The following STXBP5L variants were observed in gnomAD, a reference collection of about 807,000 sequenced individuals.
The protein encoded by STXBP5L is syntaxin-binding protein 5-like.
A neutral mutation model predicts 144.5 loss-of-function variants in STXBP5L; 65 were observed. That is an observed-to-expected ratio of 0.45 (90% confidence interval 0.37 to 0.55). STXBP5L has a LOEUF of 0.55. STXBP5L is among the 20% of genes least tolerant of loss of function. The pLI is 0.00. For synonymous variants in STXBP5L, 505 were observed against 469.6 expected (o/e 1.08, Z -0.97); for missense variants, 1,298 against 1,405.5 (o/e 0.92, Z 1.22).
chr3:121,319,642 C>A (rs112755700), intron 20 of STXBP5L, among the ~76,000 whole-genome samples: 30 of 152,136 alleles, frequency 2.0e-4, no homozygotes, highest in Non-Finnish European at 3.8e-4. Context: ...TGGTATCATA[C>A]AAATATTCTA....
At chr3:121,389,905 C>T (rs766433605) in intron 22 of STXBP5L, among the ~76,000 whole-genome samples, 1 of 152,108 alleles carries the variant, frequency 6.6e-6, no homozygotes, top group Non-Finnish European at 1.5e-5. Context: ...ATTACGTCTG[C>T]TTGTTGCAGA....
intron 14 of STXBP5L, among the ~76,000 whole-genome samples, chr3:121,247,426 CGA>C (rs2049890334): frequency 2.0e-5 from 3 of 152,230 alleles, no homozygotes; most frequent in African/African-American, 7.2e-5. Context: ...ACACAGGTAG[CGA>C]GCATAATACC....
chr3:121,125,847 A>T (rs1170041291), intron 7 of STXBP5L, among the ~76,000 whole-genome samples: 2 of 152,296 alleles, frequency 1.3e-5, no homozygotes, highest in East Asian at 3.9e-4. Flanking sequence ...TTCTGAAGAG[A>T]GGGGGTGTTA....
Position 121,246,544 on chromosome 3 carries a change from G to T in STXBP5L, c.1401-4179G>T, listed in dbSNP as rs1018133959. On this transcript the variant is annotated intron_variant, in intron 14 of 26. Transcript: ENST00000471454. The stretch of plus-strand genomic sequence containing the variant: ...ATAAAATAGAATTAAATTTTGTAAG[G>T]GTATATAGAGTCTCAGATCAACATC... Among the ~76,000 whole-genome samples, 19 of 151,926 alleles carry T rather than the reference G, an allele frequency of 1.3e-4. No homozygotes were observed. The South Asian group carries it at 3.8e-3, about 30-fold the overall frequency.
At chr3:120,990,312 A>G (rs1195067043) in intron 3 of STXBP5L, among the ~76,000 whole-genome samples, 3 of 152,238 alleles carry the variant, frequency 2.0e-5, no homozygotes, top group Non-Finnish European at 4.4e-5. Flanking sequence ...AAAAGAGGGT[A>G]CAAACAAATG....
chr3:121,351,232 C>G (rs1434334079), intron 20 of STXBP5L, among the ~76,000 whole-genome samples: 1 of 152,086 alleles, frequency 6.6e-6, no homozygotes, highest in Admixed American at 6.5e-5. Context: ...CACTCCAGAC[C>G]CTGTTTGCCT....
At chr3:121,296,264 T>G (rs2051644998) in intron 19 of STXBP5L, among the ~76,000 whole-genome samples, 1 of 152,208 alleles carries the variant, frequency 6.6e-6, no homozygotes, top group Non-Finnish European at 1.5e-5. Flanking sequence ...AGCAAAAGCA[T>G]GATGTTTGAC....
chr3:121,268,133 C>T (rs1010158559), intron 18 of STXBP5L, among the ~76,000 whole-genome samples: 8 of 152,232 alleles, frequency 5.3e-5, no homozygotes, highest in African/African-American at 2.4e-5. Flanking sequence ...GCACTGTCCA[C>T]GATAGCAAAG....
chr3:121,245,113 T>C (rs988957074), intron 14 of STXBP5L, among the ~76,000 whole-genome samples: 1 of 152,126 alleles, frequency 6.6e-6, no homozygotes, highest in African/African-American at 2.4e-5. Context: ...TAAAAATTAC[T>C]ATAATACTAT....
intron 22 of STXBP5L, among the ~76,000 whole-genome samples, chr3:121,391,561 A>T (rs1253160349): frequency 6.6e-6 from 1 of 151,990 alleles, no homozygotes; most frequent in Non-Finnish European, 1.5e-5. Flanking sequence ...TGACCTAGAG[A>T]TGGAGTTTTG....
chr3:121,184,786 A>C (rs1009954401), intron 9 of STXBP5L, among the ~76,000 whole-genome samples: 2 of 152,204 alleles, frequency 1.3e-5, no homozygotes, highest in Non-Finnish European at 2.9e-5. Context: ...GGTTGAAATG[A>C]AAGAAAAAAT....
At chr3:121,084,407 T>C (rs919120555) in intron 5 of STXBP5L, among the ~76,000 whole-genome samples, 2 of 152,100 alleles carry the variant, frequency 1.3e-5, no homozygotes, top group African/African-American at 4.8e-5. Flanking sequence ...CCCTCCTTCT[T>C]CCACGTGTTT....
intron 14 of STXBP5L, among the ~76,000 whole-genome samples, chr3:121,248,683 A>G (rs1559903551): frequency 6.6e-6 from 1 of 152,152 alleles, no homozygotes; most frequent in Non-Finnish European, 1.5e-5. Flanking sequence ...GTTTTGTCAC[A>G]ATCATTTTTG....
intron 6 of STXBP5L, among the ~76,000 whole-genome samples, chr3:121,118,114 T>A (rs1225222932): frequency 6.6e-6 from 1 of 151,744 alleles, no homozygotes; most frequent in Non-Finnish European, 1.5e-5. Context: ...CTCTATTATA[T>A]GATAGATACT....
At chr3:121,390,611 T>G (rs1419775495) in intron 22 of STXBP5L, among the ~76,000 whole-genome samples, 3 of 152,244 alleles carry the variant, frequency 2.0e-5, no homozygotes, top group African/African-American at 7.2e-5. Flanking sequence ...AGTATTTGCT[T>G]ATCTGTAAAG....
In STXBP5L at chr3:121,082,374, T is replaced by G. The variant is rs190018803; in HGVS notation, c.471-32551T>G. Among the ~76,000 whole-genome samples the G allele has an allele frequency of 3.9e-3, 589 of 152,306 alleles. 2 individuals carry two copies. The highest frequency in any genetic ancestry group is 3.7e-3 in the Non-Finnish European group (249 of 68,034). On this transcript the variant is annotated intron_variant, in intron 5 of 26. Transcript: ENST00000471454. ...GTATTTTTTTGATTGTGAGTGGTAT[T>G]TTTAAATTTTGTTTGGCACATGTTC...
chr3:121,253,919 C>T (rs1433342044), intron 15 of STXBP5L, among the ~76,000 whole-genome samples: 1 of 150,426 alleles, frequency 6.6e-6, no homozygotes, highest in East Asian at 2.0e-4. Context: ...TCCCAAAGTG[C>T]TGGGATTACA....
chr3:120,959,891 C>G (rs1208982381), intron 3 of STXBP5L, among the ~76,000 whole-genome samples: 1 of 152,060 alleles, frequency 6.6e-6, no homozygotes, highest in Non-Finnish European at 1.5e-5. Flanking sequence ...CAACAAAAGC[C>G]AAAATTGACA....
At chr3:121,380,275 T>C (rs376630162) in intron 21 of STXBP5L, among the ~76,000 whole-genome samples, 1 of 152,154 alleles carries the variant, frequency 6.6e-6, no homozygotes, top group African/African-American at 2.4e-5. Context: ...CTAAATTTTA[T>C]GACAAACAAT....
Sources: allele counts gnomAD v4.1 joint callset (sites outside exome capture counted in the v4.1 genomes callset), GRCh38; gene constraint gnomAD v4.1.1; transcripts MANE v1.5; gene names NCBI Gene and HGNC (gene_info 2026-07-23, HGNC 2026-07-21).